The following NLGN4X variants were observed in gnomAD, a reference collection of about 807,000 sequenced individuals.
NLGN4X encodes neuroligin 4 X-linked.
NLGN4X carries 3 observed loss-of-function variants against 40.3 expected under a neutral mutation model. That is an observed-to-expected ratio of 0.07 (90% CI 0.03 to 0.19). NLGN4X has a LOEUF of 0.19. Ranked by LOEUF, NLGN4X falls within the 10% of genes least tolerant of loss-of-function variation. The pLI, the probability that NLGN4X is intolerant of heterozygous loss-of-function variation, is 1.00. For missense variants in NLGN4X, 382 were observed against 708.3 expected (o/e 0.54, Z 5.23); for synonymous variants, 270 against 306.8 (o/e 0.88, Z 1.25).
At chrX:6,057,757 A>G (rs1378518850) in intron 2 of NLGN4X, among the ~76,000 whole-genome samples, 1 of 111,886 alleles carries the variant, frequency 8.9e-6, no homozygotes, top group Non-Finnish European at 1.9e-5. Flanking sequence ...AGTTCATTAC[A>G]TGATGTAATC....
chrX:6,055,602 A>C (rs2037604524), intron 2 of NLGN4X, among the ~76,000 whole-genome samples: 1 of 110,297 alleles, frequency 9.1e-6, no homozygotes, highest in African/African-American at 3.3e-5. Flanking sequence ...CCATTTAATA[A>C]ATCTGTACAT....
chrX:6,067,515 C>T (rs998236510), intron 2 of NLGN4X, among the ~76,000 whole-genome samples: 6 of 111,406 alleles, frequency 5.4e-5, no homozygotes, highest in African/African-American at 2.0e-4. Flanking sequence ...CGTAGTTGGG[C>T]TGAGCTCATT....
intron 2 of NLGN4X, among the ~76,000 whole-genome samples, chrX:6,054,298 A>G (rs1347676686): frequency 9.0e-6 from 1 of 111,446 alleles, no homozygotes; most frequent in African/African-American, 3.3e-5. Flanking sequence ...CCTATTTAGG[A>G]TGAAGATAAT....
intron 3 of NLGN4X, among the ~76,000 whole-genome samples, chrX:6,005,537 A>G (rs2036083177): frequency 9.0e-6 from 1 of 111,368 alleles, no homozygotes; most frequent in Non-Finnish European, 1.9e-5. Flanking sequence ...AAACCCATAC[A>G]GCAAAATATG....
At chrX:6,168,851 C>T (rs1024761546) in intron 1 of NLGN4X, among the ~76,000 whole-genome samples, 3 of 111,551 alleles carry the variant, frequency 2.7e-5, no homozygotes, top group African/African-American at 9.8e-5. Context: ...ACTGCAGCCT[C>T]GACCTTTTGG....
chrX:5,997,339 T>C lies in NLGN4X; in HGVS notation c.625+31941A>G, dbSNP rs746386376. On this transcript the variant is annotated intron_variant, in intron 3 of 5. Transcript: ENST00000381095. ...TATATATATTAATACCTCATATGTA[T>C]TGATATTCTCCAATGAATCAAAGGG... Among the ~76,000 whole-genome samples, 64 of 106,912 alleles carry C rather than the reference T, an allele frequency of 6.0e-4. 1 individual carries two copies. Among genetic ancestry groups the C allele is most frequent in the African/African-American group, 1.8e-3 (54 of 29,676 alleles). The allele number at this position is 106,912 out of a possible 115,157, so 92.8% of individuals were successfully genotyped here. A position where few individuals can be genotyped will look rare whatever the true frequency, so the allele number is the denominator to read the frequency against.
intron 1 of NLGN4X, among the ~76,000 whole-genome samples, chrX:6,216,970 T>G (rs1925142653): frequency 9.0e-6 from 1 of 111,714 alleles, no homozygotes; most frequent in South Asian, 3.8e-4. Flanking sequence ...TTAAATTTTT[T>G]TCGTATGGAT....
At chrX:6,104,551 C>T (rs772568540) in intron 2 of NLGN4X, among the ~76,000 whole-genome samples, 8 of 110,528 alleles carry the variant, frequency 7.2e-5, no homozygotes, top group Non-Finnish European at 1.3e-4. Context: ...TCTCTCTGCT[C>T]AGACTGAAAT....
chrX:5,984,182 C>T (rs747210141), intron 3 of NLGN4X, among the ~76,000 whole-genome samples: 41 of 109,987 alleles, frequency 3.7e-4, no homozygotes, highest in Middle Eastern at 4.8e-3. Context: ...TTGAGAACTT[C>T]GAAAATGTGG....
At chrX:6,190,878 T>A (rs971404634) in intron 1 of NLGN4X, among the ~76,000 whole-genome samples, 3 of 111,506 alleles carry the variant, frequency 2.7e-5, no homozygotes, top group Non-Finnish European at 3.8e-5. Flanking sequence ...CGGTGAGCAG[T>A]GCAGCCAAGG....
At chrX:6,017,166 T>C (rs1409457038) in intron 3 of NLGN4X, among the ~76,000 whole-genome samples, 3 of 111,703 alleles carry the variant, frequency 2.7e-5, no homozygotes, top group Non-Finnish European at 5.6e-5. Context: ...GCTCAACGGG[T>C]CACTTACATG....
intron 3 of NLGN4X, among the ~76,000 whole-genome samples, chrX:5,998,143 C>T (rs1231741792): frequency 9.0e-6 from 1 of 111,343 alleles, no homozygotes; most frequent in Non-Finnish European, 1.9e-5. Context: ...GGCGCAGTGG[C>T]TCACACCTGT....
intron 3 of NLGN4X, among the ~76,000 whole-genome samples, chrX:5,910,063 A>T (rs1370141215): frequency 8.9e-6 from 1 of 111,790 alleles, no homozygotes; most frequent in Non-Finnish European, 1.9e-5. Context: ...CAATTTTGGT[A>T]TTAATGATAG....
At chrX:6,021,047 TCC>T (rs1491114607) in intron 3 of NLGN4X, among the ~76,000 whole-genome samples, 1,204 of 23,498 alleles carry the variant, frequency 0.051, 46 homozygotes, top group East Asian at 0.069. Flanking sequence ...TCTCTCTCTC[TCC>T]CTCCCTCCCT....
chrX:5,956,918 T>C (rs2146964333), intron 3 of NLGN4X, among the ~76,000 whole-genome samples: 1 of 111,789 alleles, frequency 8.9e-6, no homozygotes, highest in South Asian at 3.8e-4. Context: ...ATTGGCATTT[T>C]TTATTGGTGT....
At chrX:6,072,268 T>A (rs1047590673) in intron 2 of NLGN4X, among the ~76,000 whole-genome samples, 1 of 111,118 alleles carries the variant, frequency 9.0e-6, no homozygotes. Flanking sequence ...CATATGAGAT[T>A]TGGAATTTTG....
intron 4 of NLGN4X, among the ~76,000 whole-genome samples, chrX:5,905,960 T>TA (rs2032151780): frequency 8.9e-6 from 1 of 112,282 alleles, no homozygotes; most frequent in South Asian, 3.7e-4. Flanking sequence ...AGTGCCTGGC[T>TA]TGTATTTTTC....
chrX:5,997,220 T>G lies in NLGN4X; in HGVS notation c.625+32060A>C, dbSNP rs549160008. Among the ~76,000 whole-genome samples the G allele has an allele frequency of 6.1e-4, 65 of 107,040 alleles. No individual in the cohort carries two copies. In the South Asian group the frequency reaches 0.023, roughly 38 times the overall value. The allele number at this position is 107,040 out of a possible 115,157, so 93.0% of individuals were successfully genotyped here. On this transcript the variant is annotated intron_variant, in intron 3 of 5. Transcript: ENST00000381095. ...ACAAATATGTATATATATCTATATATATAAATTATATATAGATACAAACAT... is the reference window on the plus strand; with the variant it reads ...ACAAATATGTATATATATCTATATAGATAAATTATATATAGATACAAACAT...
intron 2 of NLGN4X, among the ~76,000 whole-genome samples, chrX:6,128,908 T>A (rs2039619920): frequency 1.8e-5 from 2 of 112,107 alleles, no homozygotes; most frequent in African/African-American, 6.5e-5. Flanking sequence ...CCCAGTTACA[T>A]CCTATGGATA....
Sources: allele counts gnomAD v4.1 joint callset (sites outside exome capture counted in the v4.1 genomes callset), GRCh38; gene constraint gnomAD v4.1.1; transcripts MANE v1.5; gene names NCBI Gene and HGNC (gene_info 2026-07-23, HGNC 2026-07-21).